The following GSE1 variants were observed in gnomAD, a reference collection of about 807,000 sequenced individuals.
GSE1 encodes the protein genetic suppressor element 1.
In GSE1, 32 loss-of-function variants were observed where a neutral mutation model predicts 112.6. The ratio of observed to expected loss-of-function variants is 0.28; its 90% CI spans 0.21 to 0.38. GSE1 has a LOEUF of 0.38. Among genes scored for constraint, GSE1 ranks in the 10% least tolerant of loss-of-function variants. GSE1 has a pLI of 1.00. For synonymous variants in GSE1, 1,115 were observed against 735.6 expected, an observed-to-expected ratio of 1.52 and a Z score of -8.35; for missense variants, 2,348 against 1,699.2, an observed-to-expected ratio of 1.38 and a Z score of -6.71.
At chr16:85,590,776 G>A (rs2046970995) in intron 1 of GSE1, among the ~76,000 whole-genome samples, 1 of 152,164 alleles carries the variant, frequency 6.6e-6, no homozygotes, top group Non-Finnish European at 1.5e-5. Context: ...CTCCCGCCCG[G>A]CCACGCTGCA....
rs1163191714 is a variant in GSE1, at chr16:85,408,584, C to G, written c.2464+50941C>G. Among the ~76,000 whole-genome samples the G allele has an allele frequency of 2.4e-3, 23 of 9,436 alleles. 1 individual carries two copies. The highest frequency in any genetic ancestry group is 7.4e-3 in the South Asian group (1 of 136). The allele number at this position is 9,436 out of a possible 152,430, so 6.2% of individuals were successfully genotyped here. ...GATAATCCTCACTGTTACACTCAGG[C>G]CCCCCTGGAAAATCCTCACTGTTAC... On this transcript the variant is annotated intron_variant, in intron 2 of 2. Transcript: ENST00000637419.
intron 2 of GSE1, among the ~76,000 whole-genome samples, chr16:85,383,776 G>A (rs947031441): frequency 2.6e-5 from 4 of 152,152 alleles, no homozygotes; most frequent in Admixed American, 2.6e-4. Context: ...GGGGTCTACC[G>A]TTAAAGGGTC....
chr16:85,381,892 C>T (rs769816311), intron 2 of GSE1, among the ~76,000 whole-genome samples: 1 of 152,162 alleles, frequency 6.6e-6, no homozygotes, highest in Non-Finnish European at 1.5e-5. Context: ...CTGCCTGACA[C>T]CCGCCTGGGG....
intron 1 of GSE1, among the ~76,000 whole-genome samples, chr16:85,596,628 A>G (rs959390014): frequency 6.6e-6 from 1 of 152,260 alleles, no homozygotes; most frequent in Non-Finnish European, 1.5e-5. Flanking sequence ...AAAATTTTAA[A>G]TTAATGAAAT....
At chr16:85,174,454 C>T (rs1435702527) in intron 1 of GSE1, among the ~76,000 whole-genome samples, 7 of 152,224 alleles carry the variant, frequency 4.6e-5, no homozygotes, top group Non-Finnish European at 1.0e-4. Flanking sequence ...AGCCTCAGCT[C>T]TCAGCTCCCA....
rs2052837413 is a variant in GSE1 at position 85,666,129 on chromosome 16, G to A, written c.2912G>A (p.Gly971Glu). Residue 971 changes from glycine to glutamate, a missense_variant, in exon 13 of 16, where the codon GGG becomes GAG. By Grantham distance (98) the Gly-to-Glu change is moderately conservative. Coordinates refer to ENST00000253458, the MANE Select transcript of GSE1 (RefSeq NM_014615.5). Reference sequence around the variant, plus strand: ...GTCCAGGAGCTAGCTCCTGCCAGCGGGGAGAAGGCCAGGCTGAGCGAGGCC... The same window carrying A: ...GTCCAGGAGCTAGCTCCTGCCAGCGAGGAGAAGGCCAGGCTGAGCGAGGCC... ...SRVQELAPAS[G>E]EKARLSEAPG... 6.2e-7 allele frequency: 1 copy of A among 1,613,212 alleles called. No individual in the cohort carries two copies. The highest frequency in any genetic ancestry group is 1.3e-5 in the African/African-American group (1 of 74,944).
chr16:85,306,555 A>T (rs2045684194), intron 1 of GSE1, among the ~76,000 whole-genome samples: 1 of 152,102 alleles, frequency 6.6e-6, no homozygotes, highest in South Asian at 2.1e-4. Context: ...GCCTTTTTTT[A>T]AAAATTGTTT....
At chr16:85,617,675 A>G (rs2048466158) in intron 1 of GSE1, among the ~76,000 whole-genome samples, 1 of 135,508 alleles carries the variant, frequency 7.4e-6, no homozygotes, top group Non-Finnish European at 1.5e-5. Flanking sequence ...GCAGCTTCCT[A>G]GTCACCTAGG....
At chr16:85,283,587 G>A (rs944191120) in intron 1 of GSE1, 4 of 152,500 alleles carry the variant, frequency 2.6e-5, no homozygotes, top group Non-Finnish European at 4.4e-5. Context: ...GGCGTCCTCA[G>A]TGCTCTCCCT....
At chr16:85,389,584 G>A (rs981096548) in intron 2 of GSE1, among the ~76,000 whole-genome samples, 9 of 151,862 alleles carry the variant, frequency 5.9e-5, no homozygotes, top group African/African-American at 9.7e-5. Flanking sequence ...GCATCTTCCC[G>A]TGGCCATGTC....
chr16:85,380,981 G>C (rs2047534243), intron 2 of GSE1, among the ~76,000 whole-genome samples: 1 of 152,168 alleles, frequency 6.6e-6, no homozygotes, highest in Admixed American at 6.5e-5. Context: ...AAATTAACTG[G>C]AAGCAAACAA....
chr16:85,665,450 C>A (rs984554190), intron 12 of GSE1, among the ~76,000 whole-genome samples: 1 of 152,192 alleles, frequency 6.6e-6, no homozygotes, highest in African/African-American at 2.4e-5. Flanking sequence ...GGTACCATCC[C>A]AGGAGGGAGG....
intron 1 of GSE1, among the ~76,000 whole-genome samples, chr16:85,579,139 T>A (rs967284893): frequency 6.6e-6 from 1 of 152,128 alleles, no homozygotes; most frequent in Non-Finnish European, 1.5e-5. Flanking sequence ...ACCTTGGTGG[T>A]GTCAGCTTGG....
intron 1 of GSE1, among the ~76,000 whole-genome samples, chr16:85,314,533 C>T (rs550621418): frequency 8.5e-5 from 13 of 152,156 alleles, no homozygotes; most frequent in Non-Finnish European, 1.3e-4. Flanking sequence ...TGTGTGCACA[C>T]ATGCATGCAC....
Position 85,260,865 on chromosome 16 carries a change from G to C in GSE1, c.2283+89058G>C, listed in dbSNP as rs530550202. 4.6e-5 allele frequency among the ~76,000 whole-genome samples: 7 copies of C among 152,388 alleles called. No homozygotes were observed. In the East Asian group the frequency reaches 1.2e-3, roughly 25 times the overall value. On this transcript the variant is annotated intron_variant, in intron 1 of 2. Transcript: ENST00000637419. ...TGGGGCGTGGCACTGAGGGCTCAGG[G>C]AGTCCATGGGTGGCCTCTGTGCCAG...
At position 85,668,799 on chromosome 16, in the gene GSE1, C is replaced by G. The variant is rs150884831; in HGVS notation, c.3415+375C>G. On this transcript the variant is annotated intron_variant, in intron 14 of 15. Transcript: ENST00000253458. ...CTGGCAGCTAGGCCTGGTCACTGCT[C>G]CAGCATGCCTCTTGCCTAGTGACAG... Among the ~76,000 whole-genome samples, 9 of 152,322 alleles carry G rather than the reference C, an allele frequency of 5.9e-5. 1 individual carries two copies. The East Asian group carries it at 1.5e-3, about 26-fold the overall frequency.
chr16:85,375,322 C>G (rs994233328), intron 2 of GSE1, among the ~76,000 whole-genome samples: 1 of 152,130 alleles, frequency 6.6e-6, no homozygotes, highest in Admixed American at 6.5e-5. Context: ...CAAGTCACCT[C>G]ACCTCCCCCA....
At chr16:85,296,155 T>C (rs1212752458) in intron 1 of GSE1, among the ~76,000 whole-genome samples, 1 of 152,094 alleles carries the variant, frequency 6.6e-6, no homozygotes, top group Non-Finnish European at 1.5e-5. Flanking sequence ...ATTTCTGAAC[T>C]GCACAAGGTA....
intron 2 of GSE1, among the ~76,000 whole-genome samples, chr16:85,365,300 C>T (rs899093438): frequency 2.6e-5 from 4 of 152,238 alleles, no homozygotes; most frequent in East Asian, 1.9e-4. Flanking sequence ...AGACAGCACA[C>T]GCCCAGGGCC....
Sources: gnomAD v4.1 joint callset for allele counts (sites outside exome capture counted in the v4.1 genomes callset) on GRCh38, gnomAD v4.1.1 for gene constraint, MANE v1.5 for transcripts, NCBI Gene and HGNC (gene_info 2026-07-23, HGNC 2026-07-21) for gene names.